TLL2: variants seen among roughly 807,000 people sequenced by gnomAD.
TLL2 encodes tolloid-like protein 2.
A neutral mutation model predicts 123.0 loss-of-function variants in TLL2; 106 were observed. That is an observed-to-expected ratio of 0.86 (90% CI 0.74 to 1.01). The LOEUF is 1.01. TLL2 is among the 50% of genes least tolerant of loss of function. TLL2 has a pLI of 0.00. For missense variants in TLL2, 1,332 were observed against 1,336.7 expected, an observed-to-expected ratio of 1.00 and a Z score of 0.06; for synonymous variants, 494 against 516.8, an observed-to-expected ratio of 0.96 and a Z score of 0.60.
intron 18 of TLL2, 27 bp from the exon 19 acceptor site, chr10:96,373,836 G>C (rs745500925): frequency 1.2e-6 from 2 of 1,605,172 alleles, no homozygotes; most frequent in East Asian, 4.5e-5. Flanking sequence ...AGAAAGTAAG[G>C]CAAGGGCCTG....
intron 1 of TLL2, among the ~76,000 whole-genome samples, chr10:96,482,081 C>T (rs950631179): frequency 6.6e-6 from 1 of 152,126 alleles, no homozygotes; most frequent in African/African-American, 2.4e-5. Context: ...CACGGTGAAA[C>T]TCTGTCTCTA....
chr10:96,443,281 G>A (rs1023011779), intron 3 of TLL2, among the ~76,000 whole-genome samples: 6 of 152,142 alleles, frequency 3.9e-5, no homozygotes, highest in African/African-American at 1.4e-4. Flanking sequence ...TTAACAGAAC[G>A]TAGCAGAAGT....
At chr10:96,407,845 G>A (rs1414622569) in intron 9 of TLL2, among the ~76,000 whole-genome samples, 1 of 150,392 alleles carries the variant, frequency 6.6e-6, no homozygotes, top group African/African-American at 2.5e-5. Flanking sequence ...ATGCATGTGT[G>A]AGCATGTGCA....
intron 2 of TLL2, among the ~76,000 whole-genome samples, chr10:96,478,338 C>A (rs1355771059): frequency 6.6e-6 from 1 of 152,236 alleles, no homozygotes; most frequent in Non-Finnish European, 1.5e-5. Context: ...CTTACTGGAT[C>A]CTGCACAGAC....
chr10:96,384,791 C>T (rs1376773354), intron 15 of TLL2, 24 bp from the exon 16 acceptor site: 1 of 1,550,840 alleles, frequency 6.4e-7, no homozygotes, highest in African/African-American at 1.4e-5. Context: ...TGATGGGGAG[C>T]TTCCCAGAGT....
At chr10:96,468,873 A>G (rs553149436) in intron 2 of TLL2, among the ~76,000 whole-genome samples, 3 of 152,372 alleles carry the variant, frequency 2.0e-5, no homozygotes, top group Admixed American at 6.5e-5. Context: ...TCAAGTTCTC[A>G]GTGAACTCTG....
chr10:96,404,964 G>A (rs552554717), intron 10 of TLL2, among the ~76,000 whole-genome samples: 9 of 152,264 alleles, frequency 5.9e-5, no homozygotes, highest in Admixed American at 5.9e-4. Flanking sequence ...TCCTGCTTCA[G>A]TGAACATCCC....
intron 11 of TLL2, 47 bp from the exon 12 acceptor site, chr10:96,396,067 TCTTA>T (rs762695964): frequency 1.2e-5 from 19 of 1,596,608 alleles, no homozygotes; most frequent in Non-Finnish European, 1.4e-5. Flanking sequence ...CCTGGTCAGA[TCTTA>T]CTTAGGAAGG....
chr10:96,458,302 G>A (rs527419402), intron 2 of TLL2, among the ~76,000 whole-genome samples: 1 of 152,212 alleles, frequency 6.6e-6, no homozygotes, highest in South Asian at 2.1e-4. Context: ...ATTAAAATTT[G>A]TCCGCCAGGT....
At chr10:96,506,366 G>A (rs989639575) in intron 1 of TLL2, among the ~76,000 whole-genome samples, 13 of 151,700 alleles carry the variant, frequency 8.6e-5, no homozygotes, top group African/African-American at 3.2e-4. Flanking sequence ...ATGTCAGCAA[G>A]GTCTTTGTTC....
rs1554939631 is a variant in TLL2, at chr10:96,476,241, T to TATATATATATATA, written c.286+4107_286+4108insTATATATATATAT. On this transcript the variant is annotated intron_variant, in intron 2 of 20. Transcript: ENST00000357947. Reference sequence around the variant, plus strand: ...TTATATGTATATATATATATATATATTTTATTTTTGTTGTTGTTGTTGTTG... The same window carrying TATATATATATATA: ...TTATATGTATATATATATATATATATATATATATATATATTTATTTTTGTTGTTGTTGTTGTTG... Among the ~76,000 whole-genome samples, 370 of 71,868 alleles carry TATATATATATATA rather than the reference T, an allele frequency of 5.1e-3. 21 individuals carry two copies. The highest frequency in any genetic ancestry group is 7.0e-3 in the Non-Finnish European group (255 of 36,178). The allele number at this position is 71,868 out of a possible 152,430, so 47.1% of individuals were successfully genotyped here.
intron 2 of TLL2, among the ~76,000 whole-genome samples, chr10:96,453,593 T>C (rs4495834): frequency 0.98 from 149,640 of 152,326 alleles, 73,554 homozygotes; most frequent in Middle Eastern, 1. Context: ...AGCAACTACA[T>C]CCCCAACAGG....
chr10:96,477,332 T>C (rs1392134607), intron 2 of TLL2, among the ~76,000 whole-genome samples: 1 of 144,288 alleles, frequency 6.9e-6, no homozygotes, highest in African/African-American at 2.6e-5. Flanking sequence ...CATTCTCCAC[T>C]TGTTTTAATT....
chr10:96,395,711 G>A (rs1203295169), intron 12 of TLL2, among the ~76,000 whole-genome samples, 164 bp downstream of exon 12: 2 of 152,206 alleles, frequency 1.3e-5, no homozygotes, highest in African/African-American at 4.8e-5. Flanking sequence ...TTCAAAGCCT[G>A]CATAGATGTT....
At position 96,370,201 on chromosome 10, in the gene TLL2, T is replaced by C; in HGVS notation, c.2777A>G (p.Glu926Gly). 6.2e-7 allele frequency: 1 copy of C among 1,614,114 alleles called. No homozygotes were observed. The highest frequency in any genetic ancestry group is 8.5e-7 in the Non-Finnish European group (1 of 1,179,976). ...EARCDWVIVA[E>G]DGYGVELTFR... Reference sequence around the variant, plus strand: ...TGTCAGCTCCACGCCGTAGCCGTCCTCTGCCACGATCACCCAGTCACAGCG... The same window carrying C: ...TGTCAGCTCCACGCCGTAGCCGTCCCCTGCCACGATCACCCAGTCACAGCG... Residue 926 changes from glutamate (E) to glycine (G), a missense_variant, in exon 20 of 21, where the codon GAG becomes GGG. By Grantham distance (98) the Glu-to-Gly change is moderately conservative. Coordinates refer to ENST00000357947, the MANE Select transcript of TLL2 (RefSeq NM_012465.4).
intron 2 of TLL2, among the ~76,000 whole-genome samples, chr10:96,459,091 G>C (rs1182586907): frequency 6.6e-6 from 1 of 152,166 alleles, no homozygotes; most frequent in Non-Finnish European, 1.5e-5. Context: ...ATAAGTAACA[G>C]AGAGAGATTC....
intron 2 of TLL2, among the ~76,000 whole-genome samples, chr10:96,475,245 C>T (rs76999142): frequency 0.01 from 1,540 of 152,324 alleles, 29 homozygotes; most frequent in African/African-American, 0.035. Context: ...GAACAGAAGA[C>T]ATGCTCCCTG....
intron 1 of TLL2, among the ~76,000 whole-genome samples, chr10:96,483,263 G>A (rs1055680711): frequency 1.3e-5 from 2 of 152,202 alleles, no homozygotes; most frequent in African/African-American, 4.8e-5. Context: ...CTAAGAATAA[G>A]GGAAAAGGAA....
intron 3 of TLL2, among the ~76,000 whole-genome samples, chr10:96,434,430 A>C (rs1846773743): frequency 6.6e-6 from 1 of 152,182 alleles, no homozygotes; most frequent in Non-Finnish European, 1.5e-5. Context: ...CATTTCCTAG[A>C]GATGGAATCA....
Sources: gnomAD v4.1 joint callset for allele counts (sites outside exome capture counted in the v4.1 genomes callset) on GRCh38, gnomAD v4.1.1 for gene constraint, MANE v1.5 for transcripts, NCBI Gene and HGNC (gene_info 2026-07-23, HGNC 2026-07-21) for gene names.